The following SRBD1 variants were observed in gnomAD, a reference collection of about 807,000 sequenced individuals.
The protein encoded by SRBD1 is S1 RNA-binding domain-containing protein 1.
A neutral mutation model predicts 115.3 loss-of-function variants in SRBD1; 88 were observed. The observed-to-expected ratio is 0.76, with a 90% CI of 0.64 to 0.91. The LOEUF is 0.91. Ranked by LOEUF, SRBD1 falls within the 40% of genes least tolerant of loss-of-function variation. SRBD1 has a pLI of 0.00. For synonymous variants in SRBD1, 509 were observed against 407.7 expected (o/e 1.25, Z -2.99); for missense variants, 1,385 against 1,177.4 (o/e 1.18, Z -2.58).
intron 5 of SRBD1, among the ~76,000 whole-genome samples, chr2:45,583,596 T>C (rs73927564): frequency 0.048 from 7,379 of 152,270 alleles, 572 homozygotes; most frequent in African/African-American, 0.16. Context: ...ACCACATAAA[T>C]GTACTCTTGT....
intron 9 of SRBD1, among the ~76,000 whole-genome samples, chr2:45,567,062 A>C (rs1004963701): frequency 2.6e-5 from 4 of 152,324 alleles, no homozygotes; most frequent in African/African-American, 9.6e-5. Context: ...AGAATAATTC[A>C]ACTTAATATT....
At chr2:45,437,413 C>T (rs1668531312) in intron 16 of SRBD1, among the ~76,000 whole-genome samples, 1 of 149,806 alleles carries the variant, frequency 6.7e-6, no homozygotes, top group South Asian at 2.1e-4. Flanking sequence ...CCAAAAGACC[C>T]ATATACATAG....
chr2:45,577,698 C>T (rs1673223158), intron 7 of SRBD1, among the ~76,000 whole-genome samples: 1 of 151,894 alleles, frequency 6.6e-6, no homozygotes, highest in Non-Finnish European at 1.5e-5. Context: ...TTAAATATTT[C>T]TTTCAGGAAT....
chr2:45,496,424 C>A, intron 14 of SRBD1, among the ~76,000 whole-genome samples: 1 of 150,522 alleles, frequency 6.6e-6, no homozygotes, highest in African/African-American at 2.4e-5. Context: ...AAAAGAAAAC[C>A]CCAAATAAAC....
intron 16 of SRBD1, among the ~76,000 whole-genome samples, chr2:45,473,825 T>A (rs1159632464): frequency 6.6e-6 from 1 of 152,250 alleles, no homozygotes; most frequent in African/African-American, 2.4e-5. Context: ...TAAGGTGTTT[T>A]CAGAAGACTT....
intron 19 of SRBD1, among the ~76,000 whole-genome samples, chr2:45,396,806 T>C (rs1188506365): frequency 2.0e-5 from 3 of 152,084 alleles, no homozygotes; most frequent in Non-Finnish European, 4.4e-5. Context: ...AGCATGGAGA[T>C]TTAGGAGCTG....
chr2:45,458,957 T>A (rs1170470761), intron 16 of SRBD1, among the ~76,000 whole-genome samples: 1 of 152,098 alleles, frequency 6.6e-6, no homozygotes, highest in East Asian at 1.9e-4. Context: ...AATTACATGA[T>A]GAGAAACAGC....
chr2:45,507,453 C>T (rs1178396385), intron 14 of SRBD1, among the ~76,000 whole-genome samples: 3 of 152,094 alleles, frequency 2.0e-5, no homozygotes, highest in African/African-American at 7.2e-5. Flanking sequence ...CGCGGCGGCT[C>T]ACGTCTGTAA....
intron 14 of SRBD1, among the ~76,000 whole-genome samples, chr2:45,513,661 G>C (rs1671037152): frequency 6.6e-6 from 1 of 152,104 alleles, no homozygotes; most frequent in South Asian, 2.1e-4. Flanking sequence ...TGAGGAGTTA[G>C]AGCAGATCTT....
chr2:45,611,023 T>TA (rs1016137707), intron 1 of SRBD1, among the ~76,000 whole-genome samples, 196 bp downstream of exon 1: 1 of 152,038 alleles, frequency 6.6e-6, no homozygotes, highest in African/African-American at 2.4e-5. Context: ...ACGAGGTAGC[T>TA]AGGAGGGGTT....
intron 14 of SRBD1, among the ~76,000 whole-genome samples, chr2:45,533,151 A>G (rs916845494): frequency 3.3e-5 from 5 of 152,098 alleles, no homozygotes; most frequent in African/African-American, 1.2e-4. Context: ...AGAGTCAACA[A>G]TCTTAAAGTA....
chr2:45,401,223 G>A (rs1338410918), intron 19 of SRBD1, among the ~76,000 whole-genome samples: 1 of 152,102 alleles, frequency 6.6e-6, no homozygotes, highest in Non-Finnish European at 1.5e-5. Context: ...TGAGGAGTAG[G>A]GTCATTAAGC....
At chr2:45,437,552 T>C (rs1668537041) in intron 16 of SRBD1, among the ~76,000 whole-genome samples, 1 of 152,106 alleles carries the variant, frequency 6.6e-6, no homozygotes, top group Admixed American at 6.6e-5. Context: ...TCTTACACCC[T>C]TAACAAAAGT....
At chr2:45,398,144 T>TA (rs1667198076) in intron 19 of SRBD1, among the ~76,000 whole-genome samples, 1 of 152,216 alleles carries the variant, frequency 6.6e-6, no homozygotes, top group Non-Finnish European at 1.5e-5. Context: ...CAGTAGAACT[T>TA]ACAGCTGAGA....
At chr2:45,564,618 A>AC (rs1672770407) in intron 9 of SRBD1, among the ~76,000 whole-genome samples, 1 of 152,212 alleles carries the variant, frequency 6.6e-6, no homozygotes. Flanking sequence ...TTCTGAAAAT[A>AC]ATTTTTTTTA....
intron 15 of SRBD1, among the ~76,000 whole-genome samples, chr2:45,483,049 C>G: frequency 6.6e-6 from 1 of 151,928 alleles, no homozygotes; most frequent in Non-Finnish European, 1.5e-5. Flanking sequence ...TATTAAAAGG[C>G]TTTAAAGTTC....
chr2:45,563,377 A>C lies in SRBD1; in HGVS notation c.1306-621T>G, dbSNP rs571794731. Among the ~76,000 whole-genome samples the C allele has an allele frequency of 2.8e-3, 428 of 152,154 alleles. 1 individual carries two copies. Among genetic ancestry groups the C allele is most frequent in the African/African-American group, 9.7e-3 (402 of 41,540 alleles). ...GTCCATGCTCTTAATTAAAATATTA[A>C]AAGAACGACTGTCTTAAAACACATT... On this transcript the variant is annotated intron_variant, in intron 9 of 20. Transcript: ENST00000263736.
chr2:45,407,669 C>A (rs1178142465), intron 19 of SRBD1, among the ~76,000 whole-genome samples: 1 of 152,126 alleles, frequency 6.6e-6, no homozygotes, highest in Admixed American at 6.6e-5. Flanking sequence ...ATGGGGAACA[C>A]TGAACTCATC....
intron 7 of SRBD1, among the ~76,000 whole-genome samples, chr2:45,578,324 A>C (rs571224531): frequency 2.0e-3 from 301 of 152,338 alleles, no homozygotes; most frequent in Non-Finnish European, 3.5e-3. Context: ...TAAAATATTA[A>C]GTGTTGCAAC....
Sources: allele counts gnomAD v4.1 joint callset (sites outside exome capture counted in the v4.1 genomes callset), GRCh38; gene constraint gnomAD v4.1.1; transcripts MANE v1.5; gene names NCBI Gene and HGNC (gene_info 2026-07-23, HGNC 2026-07-21).